GPBP1: variants seen among roughly 807,000 people sequenced by gnomAD.
GPBP1 encodes the protein vasculin.
A neutral mutation model predicts 56.5 loss-of-function variants in GPBP1; 13 were observed. That is an observed-to-expected ratio of 0.23 (90% CI 0.15 to 0.37). The LOEUF (loss-of-function observed/expected upper bound fraction) is 0.37, where lower values mean the gene tolerates loss of function less well. GPBP1 is among the 10% of genes least tolerant of loss of function. The pLI is 1.00. For synonymous variants in GPBP1, 204 were observed against 188.9 expected (o/e 1.08, Z -0.66); for missense variants, 477 against 572.3 (o/e 0.83, Z 1.70).
chr5:57,194,256 G>A (rs943419246), intron 2 of GPBP1, among the ~76,000 whole-genome samples: 5 of 152,142 alleles, frequency 3.3e-5, no homozygotes, highest in African/African-American at 7.2e-5. Context: ...GCAAATTCCT[G>A]TAAGTGAATT....
rs1249777748 is a variant in GPBP1, at chr5:57,219,406, AAAAACAAACAAAC to A, written c.63+5218_63+5230del. On this transcript the variant is annotated intron_variant, in intron 3 of 11. Coordinates refer to ENST00000506184, the MANE Select transcript of GPBP1 (RefSeq NM_022913.4). ...AAAAAAAAAAAAAAAAAAAAAAACC[AAAAACAAACAAAC>A]AAAAAAAAAAACAACAAAACCACAC... is the stretch of plus-strand genomic sequence containing the variant. 2.3e-3 allele frequency among the ~76,000 whole-genome samples: 86 copies of A among 37,442 alleles called. 10 individuals carry two copies. Among genetic ancestry groups the A allele is most frequent in the East Asian group, 0.022 (1 of 46 alleles). The allele number at this position is 37,442 out of a possible 152,430, so 24.6% of individuals were successfully genotyped here.
rs1742024607 is a variant in GPBP1 at position 57,264,268 on chromosome 5, A to C, written c.*1516A>C. ...ATAAGGTTTCACTATATAATTTGTC[A>C]CAATTCAATCTAATCAGCTAAAGTT... On this transcript the variant is annotated 3_prime_UTR_variant, in exon 12 of 12. Transcript: ENST00000506184. 1 of 152,224 alleles carries C rather than the reference A, an allele frequency of 6.6e-6. No individual in the cohort carries two copies. The highest frequency in any genetic ancestry group is 2.4e-5 in the African/African-American group (1 of 41,476). 9.4% of individuals were successfully genotyped at this position (152,224 alleles called of 1,614,324 possible).
At chr5:57,236,057 G>C (rs767748941) in intron 6 of GPBP1, 25 bp downstream of exon 6, 2 of 1,436,038 alleles carry the variant, frequency 1.4e-6, no homozygotes, top group Non-Finnish European at 2.0e-6. Context: ...ATCTATATTT[G>C]AGGGGCACAA....
intron 9 of GPBP1, 26 bp downstream of exon 9, chr5:57,249,602 A>T: frequency 6.4e-7 from 1 of 1,564,196 alleles, no homozygotes; most frequent in Non-Finnish European, 8.7e-7. Flanking sequence ...GCAATACTTG[A>T]TTTGACATTG....
rs543005934 is a variant in GPBP1 at position 57,229,230 on chromosome 5, CAAAAAAAAA to C, written c.64-1587_64-1579del. Reference sequence around the variant, plus strand: ...TGGGCGACAGAACAAGACTCCATCTCAAAAAAAAAAAAAAAAAAAAAAAAAAAAAAAAAA... The same window carrying C: ...TGGGCGACAGAACAAGACTCCATCTCAAAAAAAAAAAAAAAAAAAAAAAAA... On this transcript the variant is annotated intron_variant, in intron 3 of 11. Transcript: ENST00000506184. 4.0e-4 allele frequency among the ~76,000 whole-genome samples: 31 copies of C among 77,416 alleles called. 1 individual carries two copies. The highest frequency in any genetic ancestry group is 7.0e-4 in the East Asian group (3 of 4,272). 50.8% of individuals were successfully genotyped at this position (77,416 alleles called of 152,430 possible). A position where few individuals can be genotyped will look rare whatever the true frequency, so the allele number is the denominator to read the frequency against.
chr5:57,175,215 C>T (rs984530534), intron 1 of GPBP1, among the ~76,000 whole-genome samples: 2 of 152,176 alleles, frequency 1.3e-5, no homozygotes, highest in African/African-American at 2.4e-5. Context: ...GAAATCTGCC[C>T]TTGCCCTCCA....
intron 2 of GPBP1, among the ~76,000 whole-genome samples, chr5:57,179,836 G>T (rs1373752958): frequency 6.6e-6 from 1 of 152,110 alleles, no homozygotes; most frequent in Non-Finnish European, 1.5e-5. Flanking sequence ...AACTTCAGAT[G>T]TCTGTCCACC....
Position 57,197,968 on chromosome 5 carries a change from A to T in GPBP1, c.-57-16106A>T, listed in dbSNP as rs141937083. On this transcript the variant is annotated intron_variant, in intron 2 of 11. Transcript: ENST00000506184. ...CTGTCAATGTTCTAGGACCCTGAAAAGCCAAATATCTTTTGGTGCCAGAAC... is the reference window on the plus strand; with the variant it reads ...CTGTCAATGTTCTAGGACCCTGAAATGCCAAATATCTTTTGGTGCCAGAAC... Among the ~76,000 whole-genome samples the T allele has an allele frequency of 1.2e-3, 179 of 152,116 alleles. 1 individual carries two copies. The East Asian group carries it at 0.013, about 11-fold the overall frequency.
At chr5:57,177,947 T>G (rs1478259798) in intron 2 of GPBP1, among the ~76,000 whole-genome samples, 4 of 151,554 alleles carry the variant, frequency 2.6e-5, no homozygotes, top group African/African-American at 7.3e-5. Context: ...TAAAATAGAG[T>G]TTTTTTTCTC....
chr5:57,208,166 T>G (rs1243005579), intron 2 of GPBP1, among the ~76,000 whole-genome samples: 6 of 152,122 alleles, frequency 3.9e-5, no homozygotes, highest in Non-Finnish European at 8.8e-5. Flanking sequence ...TCTGTATCAG[T>G]AGGGTCTTAC....
chr5:57,241,721 A>G (rs897221800), intron 6 of GPBP1, among the ~76,000 whole-genome samples: 10 of 152,188 alleles, frequency 6.6e-5, no homozygotes, highest in Non-Finnish European at 1.5e-4. Flanking sequence ...TAATAAGCAC[A>G]TGAAACTTAT....
intron 3 of GPBP1, among the ~76,000 whole-genome samples, chr5:57,226,468 A>G (rs931612770): frequency 1.3e-5 from 2 of 152,026 alleles, no homozygotes; most frequent in South Asian, 2.1e-4. Context: ...TAATAATGGG[A>G]AAATTCAAAT....
chr5:57,228,310 C>T (rs544491547), intron 3 of GPBP1, among the ~76,000 whole-genome samples: 1 of 152,168 alleles, frequency 6.6e-6, no homozygotes, highest in East Asian at 1.9e-4. Flanking sequence ...CAAAAATTAG[C>T]CAGGTGTGGT....
intron 2 of GPBP1, among the ~76,000 whole-genome samples, chr5:57,177,915 A>G (rs1029473709): frequency 6.6e-6 from 1 of 151,944 alleles, no homozygotes; most frequent in African/African-American, 2.4e-5. Context: ...TAGCTCCCAT[A>G]GAGTGAAAGT....
At chr5:57,242,735 C>T (rs1320805017) in intron 6 of GPBP1, among the ~76,000 whole-genome samples, 1 of 152,100 alleles carries the variant, frequency 6.6e-6, no homozygotes, top group Non-Finnish European at 1.5e-5. Context: ...TTTGAGCCAC[C>T]ATGCCTGGCC....
chr5:57,181,177 TA>T (rs1051029098), intron 2 of GPBP1, among the ~76,000 whole-genome samples: 1 of 151,686 alleles, frequency 6.6e-6, no homozygotes, highest in Non-Finnish European at 1.5e-5. Context: ...CTACAAAACA[TA>T]AAAAAAATTA....
At chr5:57,217,569 C>T (rs988612494) in intron 3 of GPBP1, among the ~76,000 whole-genome samples, 39 of 151,706 alleles carry the variant, frequency 2.6e-4, no homozygotes, top group South Asian at 2.1e-4. Flanking sequence ...GAAATACTGT[C>T]TCAAAACAAA....
intron 3 of GPBP1, among the ~76,000 whole-genome samples, chr5:57,224,257 T>TG (rs1233534292): frequency 6.6e-6 from 1 of 151,934 alleles, no homozygotes; most frequent in Non-Finnish European, 1.5e-5. Context: ...TTTTTTTTTT[T>TG]TTTTGAGACA....
At chr5:57,202,540 C>A (rs1312700349) in intron 2 of GPBP1, among the ~76,000 whole-genome samples, 1 of 152,164 alleles carries the variant, frequency 6.6e-6, no homozygotes, top group African/African-American at 2.4e-5. Context: ...CAGCCTGTTT[C>A]AGCCTCCAAA....
Sources: allele counts gnomAD v4.1 joint callset (sites outside exome capture counted in the v4.1 genomes callset), GRCh38; gene constraint gnomAD v4.1.1; transcripts MANE v1.5; gene names NCBI Gene and HGNC (gene_info 2026-07-23, HGNC 2026-07-21).